SLC9A9: variants seen among roughly 807,000 people sequenced by gnomAD.
The protein encoded by SLC9A9 is sodium/hydrogen exchanger 9.
A neutral mutation model predicts 77.8 loss-of-function variants in SLC9A9; 62 were observed. The ratio of observed to expected loss-of-function variants is 0.80; its 90% CI spans 0.65 to 0.98. The LOEUF (loss-of-function observed/expected upper bound fraction) is 0.98, where lower values mean the gene tolerates loss of function less well. SLC9A9 is among the 50% of genes least tolerant of loss of function. The pLI is 0.00. For missense variants in SLC9A9, 775 were observed against 774.9 expected (o/e 1.00, Z 0.00); for synonymous variants, 320 against 283.5 (o/e 1.13, Z -1.29).
chr3:143,480,243 C>T (rs751758563), intron 11 of SLC9A9, among the ~76,000 whole-genome samples: 2 of 152,168 alleles, frequency 1.3e-5, no homozygotes, highest in Admixed American at 1.3e-4. Context: ...TAATTTTTAT[C>T]GTAAATTTAT....
At chr3:143,770,787 A>G (rs2007489672) in intron 4 of SLC9A9, among the ~76,000 whole-genome samples, 1 of 152,204 alleles carries the variant, frequency 6.6e-6, no homozygotes, top group Non-Finnish European at 1.5e-5. Context: ...TGCAACTCTC[A>G]TGACAAAAGA....
rs549510076 is a variant in SLC9A9, at chr3:143,385,435, A to G, written c.1470-3321T>C. ...CTGCCTTTTCTCAATTGTGATATAT[A>G]AGCTGACATAGACATGCATGGCACC... On this transcript the variant is annotated intron_variant, in intron 12 of 15. Transcript: ENST00000316549. 2.0e-5 allele frequency among the ~76,000 whole-genome samples: 3 copies of G among 152,278 alleles called. No homozygotes were observed. The South Asian group carries it at 6.2e-4, about 32-fold the overall frequency.
chr3:143,673,394 A>G (rs1362284913), intron 5 of SLC9A9, among the ~76,000 whole-genome samples: 1 of 152,164 alleles, frequency 6.6e-6, no homozygotes, highest in Non-Finnish European at 1.5e-5. Flanking sequence ...GACACGAATT[A>G]CCTGCAATAA....
chr3:143,701,345 A>C (rs1173853751), intron 4 of SLC9A9, among the ~76,000 whole-genome samples: 1 of 152,238 alleles, frequency 6.6e-6, no homozygotes, highest in Non-Finnish European at 1.5e-5. Context: ...CAACAGAGAT[A>C]TATGACCCTT....
chr3:143,584,666 C>T (rs1364796289), intron 6 of SLC9A9, among the ~76,000 whole-genome samples: 2 of 152,186 alleles, frequency 1.3e-5, no homozygotes, highest in Admixed American at 1.3e-4. Context: ...TTGGAACATA[C>T]ATAAATATGA....
At chr3:143,616,372 G>A (rs2038107393) in intron 6 of SLC9A9, among the ~76,000 whole-genome samples, 1 of 152,060 alleles carries the variant, frequency 6.6e-6, no homozygotes, top group African/African-American at 2.4e-5. Context: ...GGAGGAGAAA[G>A]CTTTTTAAAA....
intron 14 of SLC9A9, among the ~76,000 whole-genome samples, chr3:143,328,267 C>A (rs1416529098): frequency 6.6e-6 from 1 of 152,190 alleles, no homozygotes; most frequent in Non-Finnish European, 1.5e-5. Flanking sequence ...GAGTATATGG[C>A]AACTCTGTAC....
intron 14 of SLC9A9, among the ~76,000 whole-genome samples, chr3:143,348,620 G>T (rs1339773490): frequency 1.3e-5 from 2 of 152,182 alleles, no homozygotes; most frequent in African/African-American, 2.4e-5. Flanking sequence ...AGTATCTTTT[G>T]TTTGGCCAAT....
At chr3:143,753,444 G>C (rs1222794368) in intron 4 of SLC9A9, among the ~76,000 whole-genome samples, 2 of 152,208 alleles carry the variant, frequency 1.3e-5, no homozygotes, top group Non-Finnish European at 2.9e-5. Context: ...ATGGATGAAA[G>C]AACAAGGTGG....
At chr3:143,840,952 G>C (rs1242889384) in intron 1 of SLC9A9, among the ~76,000 whole-genome samples, 2 of 152,142 alleles carry the variant, frequency 1.3e-5, no homozygotes, top group Non-Finnish European at 2.9e-5. Flanking sequence ...AATGCATATA[G>C]TTACATATCT....
chr3:143,672,785 A>G (rs920476871), intron 5 of SLC9A9, among the ~76,000 whole-genome samples: 6 of 152,340 alleles, frequency 3.9e-5, no homozygotes, highest in East Asian at 1.9e-4. Context: ...ATTTATGCAG[A>G]TGTTCCCACA....
At chr3:143,586,739 C>G (rs1385344948) in intron 6 of SLC9A9, among the ~76,000 whole-genome samples, 1 of 152,172 alleles carries the variant, frequency 6.6e-6, no homozygotes, top group Non-Finnish European at 1.5e-5. Flanking sequence ...TATGTTCTGC[C>G]AAAGGCCAAT....
chr3:143,479,978 T>C (rs1478814968), intron 11 of SLC9A9, among the ~76,000 whole-genome samples: 1 of 152,236 alleles, frequency 6.6e-6, no homozygotes, highest in Non-Finnish European at 1.5e-5. Flanking sequence ...TGGTAGTCCC[T>C]GTGCCAGGCA....
intron 12 of SLC9A9, among the ~76,000 whole-genome samples, chr3:143,417,160 G>T (rs114389327): frequency 0.014 from 2,069 of 152,166 alleles, 16 homozygotes; most frequent in South Asian, 0.021. Context: ...TATTGCTCAG[G>T]GGAGGAGTCT....
chr3:143,590,578 AG>A (rs1433323567), intron 6 of SLC9A9, among the ~76,000 whole-genome samples: 1 of 152,218 alleles, frequency 6.6e-6, no homozygotes, highest in African/African-American at 2.4e-5. Flanking sequence ...GTATCAAACA[AG>A]GGGATGCATG....
chr3:143,797,824 A>G (rs1177619981), intron 2 of SLC9A9, among the ~76,000 whole-genome samples: 2 of 151,546 alleles, frequency 1.3e-5, no homozygotes, highest in African/African-American at 4.8e-5. Context: ...GTCCCCACCC[A>G]TATCTCCCTT....
chr3:143,450,611 A>G (rs2034989874), intron 12 of SLC9A9, among the ~76,000 whole-genome samples: 1 of 151,132 alleles, frequency 6.6e-6, no homozygotes, highest in Non-Finnish European at 1.5e-5. Flanking sequence ...TATTTAATGA[A>G]AAGTAAAGAT....
chr3:143,411,210 T>TC (rs1238959114), intron 12 of SLC9A9, among the ~76,000 whole-genome samples: 5 of 152,212 alleles, frequency 3.3e-5, no homozygotes, highest in African/African-American at 1.2e-4. Flanking sequence ...AGATTTTTTT[T>TC]CCCCTCTTTG....
chr3:143,398,526 G>A (rs1338963768), intron 12 of SLC9A9, among the ~76,000 whole-genome samples: 1 of 152,064 alleles, frequency 6.6e-6, no homozygotes, highest in African/African-American at 2.4e-5. Flanking sequence ...ATGGAGTTTG[G>A]GAAGAGGATC....
Sources: allele counts gnomAD v4.1 joint callset (sites outside exome capture counted in the v4.1 genomes callset), GRCh38; gene constraint gnomAD v4.1.1; transcripts MANE v1.5; gene names NCBI Gene and HGNC (gene_info 2026-07-23, HGNC 2026-07-21).